Variants in FCHO1 observed in about 807,000 individuals in gnomAD.
The protein encoded by FCHO1 is FCH and mu domain containing endocytic adaptor 1.
FCHO1 carries 45 observed loss-of-function variants against 114.4 expected under a neutral mutation model. The ratio of observed to expected loss-of-function variants is 0.39; its 90% confidence interval spans 0.31 to 0.50. FCHO1 has a LOEUF of 0.50. FCHO1 is among the 20% of genes least tolerant of loss of function. The pLI is 0.77. For missense variants in FCHO1, 1,042 were observed against 1,209.6 expected, an observed-to-expected ratio of 0.86 and a Z score of 2.06; for synonymous variants, 480 against 488.9, an observed-to-expected ratio of 0.98 and a Z score of 0.24.
intron 4 of FCHO1, among the ~76,000 whole-genome samples, chr19:17,760,928 G>C (rs7253765): frequency 0.65 from 98,442 of 151,858 alleles, 31,925 homozygotes; most frequent in East Asian, 0.74. Flanking sequence ...GGATTACAGG[G>C]GTGAGCCACC....
intron 26 of FCHO1, among the ~76,000 whole-genome samples, chr19:17,786,063 G>A (rs1305153303): frequency 6.6e-6 from 1 of 152,202 alleles, no homozygotes; most frequent in Non-Finnish European, 1.5e-5. Flanking sequence ...GCCGGGCATG[G>A]TGGCTTATGC....
At chr19:17,765,013 G>C (rs888875062) in intron 6 of FCHO1, among the ~76,000 whole-genome samples, 2 of 148,512 alleles carry the variant, frequency 1.3e-5, no homozygotes, top group African/African-American at 5.0e-5. Flanking sequence ...GCAGTGAGCC[G>C]AGATTGTGCC....
chr19:17,765,375 T>C (rs1300650588), intron 6 of FCHO1, among the ~76,000 whole-genome samples: 2 of 151,852 alleles, frequency 1.3e-5, no homozygotes, highest in Non-Finnish European at 2.9e-5. Flanking sequence ...ACAAATGACT[T>C]TGCATGAACC....
intron 3 of FCHO1, 192 bp from the exon 4 acceptor site, chr19:17,754,926 G>C: frequency 1.8e-6 from 1 of 547,244 alleles, no homozygotes; most frequent in Non-Finnish European, 3.3e-6. Context: ...GTCTTGTTCT[G>C]TCCCCCTCTA....
rs148695572 is a variant in FCHO1 at position 17,783,158 on chromosome 19, C to G, written c.2079C>G (p.Ala693=). ...TTAIEHFQPN[A]DLLFSDPSQS... is the part of the protein sequence containing the mutation. ...CTATTGAGCACTTCCAGCCCAACGC[C>G]GATCTGCTGTTCAGGTACTATGGAG... Residue 693 remains alanine (A), a synonymous_variant, in exon 24 of 29, where the codon GCC becomes GCG. Coordinates refer to ENST00000596536, the MANE Select transcript of FCHO1 (RefSeq NM_015122.3). The G allele has an allele frequency of 6.2e-7, 1 of 1,614,128 alleles. No individual in the cohort carries two copies. The highest frequency in any genetic ancestry group is 1.7e-5 in the Admixed American group (1 of 60,006).
intron 5 of FCHO1, 143 bp from the exon 6 acceptor site, chr19:17,764,232 G>C: frequency 4.2e-6 from 3 of 721,168 alleles, no homozygotes; most frequent in Non-Finnish European, 7.2e-6. Flanking sequence ...GTAGAGACAG[G>C]GTTTCACCAA....
intron 4 of FCHO1, chr19:17,762,560 A>G (rs2146580054): frequency 1.7e-6 from 1 of 573,098 alleles, no homozygotes; most frequent in Non-Finnish European, 3.1e-6. Context: ...AGAAAATCCC[A>G]GGCTTCTCTC....
chr19:17,769,580 AACACACACACACACAC>A (rs71162199), intron 7 of FCHO1, among the ~76,000 whole-genome samples: 29,431 of 144,124 alleles, frequency 0.2, 3,246 homozygotes, highest in Non-Finnish European at 0.24. Flanking sequence ...CTTCGTCTCA[AACACACACACACACAC>A]ACACACACAC....
At position 17,775,801 on chromosome 19, in the gene FCHO1, G is replaced by C. The variant is rs1427556666; in HGVS notation, c.1004-182G>C. Among the ~76,000 whole-genome samples the C allele has an allele frequency of 6.6e-6, 1 of 151,426 alleles. No homozygotes were observed. Among genetic ancestry groups the C allele is most frequent in the South Asian group, 2.1e-4 (1 of 4,802 alleles). ...TAGTTCTGGGCATGCTTGTGCAAAG[G>C]CTTCTCGGGGGGGGTGGGAGTGCTG... On this transcript the variant is annotated intron_variant, in intron 15 of 28. Transcript: ENST00000596536. The surrounding 1 kb of genome is among the most constrained non-coding windows in gnomAD (Gnocchi z 5.1).
chr19:17,767,038 G>A (rs1266861893), intron 7 of FCHO1, among the ~76,000 whole-genome samples: 2 of 143,228 alleles, frequency 1.4e-5, no homozygotes, highest in South Asian at 2.2e-4. Flanking sequence ...GCCAAATCCC[G>A]CCCACCCCCC....
chr19:17,784,294 C>A lies in FCHO1; in HGVS notation c.2226+59C>A. 1 of 1,541,422 alleles carries A rather than the reference C, an allele frequency of 6.5e-7. No homozygotes were observed. Among genetic ancestry groups the A allele is most frequent in the Non-Finnish European group, 8.8e-7 (1 of 1,141,290 alleles). On this transcript the variant is annotated intron_variant, in intron 25 of 28. Coordinates refer to ENST00000596536, the MANE Select transcript of FCHO1 (RefSeq NM_015122.3). The surrounding 1 kb of genome is among the most constrained non-coding windows in gnomAD (Gnocchi z 5.3). ...TGGAGTGGGGGACACGGTGAGCCGG[C>A]AGCAGACATGGAGGCGCCTGCGTGT...
rs140182088 is a variant in FCHO1, at chr19:17,771,723, G to A, written c.595-734G>A. On this transcript the variant is annotated intron_variant, in intron 9 of 28. Transcript: ENST00000596536. ...AATTTAAAAAAACTGACAAGCTCAG[G>A]GAACTGTAAAGTTTTATTTTTGAGT... is the stretch of plus-strand genomic sequence containing the variant. 3.1e-3 allele frequency among the ~76,000 whole-genome samples: 472 copies of A among 152,164 alleles called. 1 individual carries two copies. The highest frequency in any genetic ancestry group is 5.0e-3 in the Non-Finnish European group (337 of 67,996).
At chr19:17,751,265 A>G (rs1468678070), upstream of FCHO1, among the ~76,000 whole-genome samples, 1 of 152,026 alleles carries the variant, frequency 6.6e-6, no homozygotes, top group East Asian at 1.9e-4. This position sits in a 1 kb window ranked among gnomAD's most constrained non-coding sequence, Gnocchi z 4.4. Flanking sequence ...GTGCTCAGTT[A>G]TTTCCCAATT....
In FCHO1 at chr19:17,755,129, A is replaced by G. The variant is rs2083016110; in HGVS notation, c.-36A>G. ...GCCTCTCTCTTCAGACAGGCACTGG[A>G]CGGGGCCTGCAGGGGTCTCCACAGA... On this transcript the variant is annotated 5_prime_UTR_variant, in exon 4 of 29. Coordinates refer to ENST00000596536, the MANE Select transcript of FCHO1 (RefSeq NM_015122.3). 6.2e-7 allele frequency: 1 copy of G among 1,612,212 alleles called. No individual in the cohort carries two copies. Among genetic ancestry groups the G allele is most frequent in the African/African-American group, 1.3e-5 (1 of 74,838 alleles).
chr19:17,787,654 G>C, intron 27 of FCHO1, 28 bp from the exon 28 acceptor site: 1 of 1,534,828 alleles, frequency 6.5e-7, no homozygotes, highest in Non-Finnish European at 8.8e-7. Context: ...GCTGGTGCCA[G>C]GGCGCAGCTG....
chr19:17,775,889 G>C lies in FCHO1; in HGVS notation c.1004-94G>C. ...GAGCGATGGGATTGGGCAGGACCTC[G>C]AAGGGTTTGAGCAGGGAGGGACGAG... On this transcript the variant is annotated intron_variant, in intron 15 of 28. Transcript: ENST00000596536. This position sits in a 1 kb window ranked among gnomAD's most constrained non-coding sequence, Gnocchi z 5.1. The C allele has an allele frequency of 6.8e-7, 1 of 1,473,492 alleles. No homozygotes were observed. Among genetic ancestry groups the C allele is most frequent in the Non-Finnish European group, 9.2e-7 (1 of 1,087,416 alleles). 91.3% of individuals were successfully genotyped at this position (1,473,492 alleles called of 1,614,324 possible). A position where few individuals can be genotyped will look rare whatever the true frequency, so the allele number is the denominator to read the frequency against.
At chr19:17,772,415 G>C (rs542555496) in intron 9 of FCHO1, 42 bp from the exon 10 acceptor site, 1 of 1,487,380 alleles carries the variant, frequency 6.7e-7, no homozygotes, top group Non-Finnish European at 9.4e-7. Flanking sequence ...CTTCTTCTTG[G>C]CCCTGACCTC....
At chr19:17,783,317 A>T (rs149040769) in intron 24 of FCHO1, 145 bp downstream of exon 24, 1 of 864,190 alleles carries the variant, frequency 1.2e-6, no homozygotes, top group Non-Finnish European at 1.7e-6. Flanking sequence ...CCCAGGCTGG[A>T]GTGCAATGGC....
chr19:17,786,284 G>C (rs1010749908), intron 26 of FCHO1, among the ~76,000 whole-genome samples: 1 of 152,158 alleles, frequency 6.6e-6, no homozygotes, highest in African/African-American at 2.4e-5. Flanking sequence ...AGTGAGCAGA[G>C]ATCGCACCAA....
Sources: allele counts gnomAD v4.1 joint callset (sites outside exome capture counted in the v4.1 genomes callset), GRCh38; gene constraint gnomAD v4.1.1; non-coding constraint Gnocchi (gnomAD v3.1); transcripts MANE v1.5; gene names NCBI Gene and HGNC (gene_info 2026-07-23, HGNC 2026-07-21).